CACNA2D3: variants seen among roughly 807,000 people sequenced by gnomAD.
CACNA2D3 encodes the protein calcium voltage-gated channel auxiliary subunit alpha2delta 3.
CACNA2D3 carries 60 observed loss-of-function variants against 160.6 expected under a neutral mutation model. That is an observed-to-expected ratio of 0.37 (90% CI 0.30 to 0.46). The LOEUF is 0.46. Ranked by LOEUF, CACNA2D3 falls within the 20% of genes least tolerant of loss-of-function variation. The pLI, the probability that CACNA2D3 is intolerant of heterozygous loss-of-function variation, is 1.00. For missense variants in CACNA2D3, 1,205 were observed against 1,365.0 expected (o/e 0.88, Z 1.85); for synonymous variants, 558 against 492.9 (o/e 1.13, Z -1.75).
intron 35 of CACNA2D3, among the ~76,000 whole-genome samples, chr3:55,038,009 T>C (rs543115149): frequency 5.3e-4 from 80 of 152,302 alleles, no homozygotes; most frequent in South Asian, 3.9e-3. Context: ...TCCTGAGAAG[T>C]CACTGTATTT....
At chr3:54,803,858 C>T (rs1575484103) in intron 13 of CACNA2D3, among the ~76,000 whole-genome samples, 2 of 152,238 alleles carry the variant, frequency 1.3e-5, no homozygotes, top group Middle Eastern at 3.4e-3. Flanking sequence ...GCGGATCTCT[C>T]GGCAGAAACT....
At position 54,976,023 on chromosome 3, in the gene CACNA2D3, G is replaced by C. The variant is rs188583060; in HGVS notation, c.2556+6179G>C. 2.6e-5 allele frequency among the ~76,000 whole-genome samples: 4 copies of C among 151,400 alleles called. No individual in the cohort carries two copies. The East Asian group carries it at 7.8e-4, about 29-fold the overall frequency. On this transcript the variant is annotated intron_variant, in intron 29 of 37. Transcript: ENST00000474759. The stretch of plus-strand genomic sequence containing the variant: ...ACAAGATCTGTCTTAGGTATCCATA[G>C]AGATTAGATATAAATATAGGTATAG...
intron 31 of CACNA2D3, 104 bp downstream of exon 31, chr3:54,987,857 G>A: frequency 1.4e-6 from 1 of 717,940 alleles, no homozygotes; most frequent in Non-Finnish European, 2.2e-6. Flanking sequence ...CCTGTGGCTG[G>A]TTTTTACTTG....
intron 13 of CACNA2D3, among the ~76,000 whole-genome samples, chr3:54,803,626 ACT>A (rs1311435955): frequency 6.6e-6 from 1 of 152,232 alleles, no homozygotes; most frequent in Non-Finnish European, 1.5e-5. Flanking sequence ...GTTGGAAAAC[ACT>A]CTGCAGGATA....
chr3:54,558,700 C>T (rs1702277957), intron 5 of CACNA2D3, among the ~76,000 whole-genome samples: 1 of 152,132 alleles, frequency 6.6e-6, no homozygotes. Flanking sequence ...TTAATTCACT[C>T]AGGATAATGG....
chr3:54,811,660 G>A (rs1213759423), intron 13 of CACNA2D3, among the ~76,000 whole-genome samples: 2 of 151,812 alleles, frequency 1.3e-5, no homozygotes, highest in East Asian at 3.9e-4. Flanking sequence ...ACCATGCCCA[G>A]CTAATTTTTT....
chr3:54,519,374 C>T (rs1410097416), intron 5 of CACNA2D3, among the ~76,000 whole-genome samples: 2 of 152,322 alleles, frequency 1.3e-5, no homozygotes, highest in Non-Finnish European at 1.5e-5. Context: ...CTGGGGGACG[C>T]TCTGATCCCA....
At chr3:54,538,392 C>T (rs1192129415) in intron 5 of CACNA2D3, among the ~76,000 whole-genome samples, 1 of 152,150 alleles carries the variant, frequency 6.6e-6, no homozygotes, top group South Asian at 2.1e-4. Flanking sequence ...CTCTTTCCTC[C>T]CCCTCCTCCA....
At chr3:54,403,999 G>T (rs1699525332) in intron 4 of CACNA2D3, among the ~76,000 whole-genome samples, 1 of 152,096 alleles carries the variant, frequency 6.6e-6, no homozygotes, top group Non-Finnish European at 1.5e-5. Context: ...GTAATTAAAA[G>T]CCTCCTAAAA....
intron 27 of CACNA2D3, among the ~76,000 whole-genome samples, chr3:54,958,441 G>A (rs557162079): frequency 2.2e-4 from 33 of 152,252 alleles, no homozygotes; most frequent in African/African-American, 7.0e-4. Flanking sequence ...ATTCCCTACA[G>A]CAGTAAGGGA....
At chr3:54,426,362 A>G (rs1285527718) in intron 4 of CACNA2D3, among the ~76,000 whole-genome samples, 1 of 152,184 alleles carries the variant, frequency 6.6e-6, no homozygotes, top group Non-Finnish European at 1.5e-5. Flanking sequence ...TATAAACTGC[A>G]CTTTAGAGAT....
At chr3:54,285,424 C>T (rs1575368336) in intron 2 of CACNA2D3, among the ~76,000 whole-genome samples, 1 of 152,312 alleles carries the variant, frequency 6.6e-6, no homozygotes, top group East Asian at 1.9e-4. Context: ...GTAAACAAAA[C>T]AGCCGGGAAG....
intron 27 of CACNA2D3, among the ~76,000 whole-genome samples, chr3:54,948,714 T>G (rs1158108056): frequency 1.3e-5 from 2 of 152,204 alleles, no homozygotes; most frequent in African/African-American, 4.8e-5. Context: ...CATGCTGTTG[T>G]CAGCTATTGT....
intron 35 of CACNA2D3, among the ~76,000 whole-genome samples, chr3:55,061,796 G>A (rs946412943): frequency 2.6e-5 from 4 of 152,200 alleles, no homozygotes; most frequent in Non-Finnish European, 5.9e-5. Context: ...TTCTCCAGGG[G>A]AAGGAATTGT....
chr3:54,554,868 C>CTTTTT (rs1248489904), intron 5 of CACNA2D3, among the ~76,000 whole-genome samples: 6 of 88,186 alleles, frequency 6.8e-5, no homozygotes, highest in African/African-American at 3.0e-4. Flanking sequence ...CTCTCTCACT[C>CTTTTT]TCTTTTTTTT....
chr3:54,880,455 A>G (rs1041039395), intron 20 of CACNA2D3, among the ~76,000 whole-genome samples: 13 of 152,222 alleles, frequency 8.5e-5, no homozygotes, highest in Non-Finnish European at 1.5e-4. Flanking sequence ...GGCTGAATGC[A>G]GGACAAGGGT....
chr3:54,531,959 T>C (rs563868247), intron 5 of CACNA2D3, among the ~76,000 whole-genome samples: 3 of 152,350 alleles, frequency 2.0e-5, no homozygotes, highest in African/African-American at 7.2e-5. Context: ...CACCCTTGGC[T>C]TGGCAGCCGG....
chr3:54,731,228 C>T (rs781189764), intron 11 of CACNA2D3, among the ~76,000 whole-genome samples: 19 of 152,160 alleles, frequency 1.2e-4, no homozygotes, highest in Non-Finnish European at 2.2e-4. Context: ...CACATTTCCT[C>T]TAAGTAATTA....
At chr3:54,641,514 C>T (rs1264951295) in intron 10 of CACNA2D3, among the ~76,000 whole-genome samples, 2 of 152,168 alleles carry the variant, frequency 1.3e-5, no homozygotes, top group Non-Finnish European at 1.5e-5. Flanking sequence ...TTAGTTGAAT[C>T]TCTCCTGGAT....
Sources: gnomAD v4.1 joint callset for allele counts (sites outside exome capture counted in the v4.1 genomes callset) on GRCh38, gnomAD v4.1.1 for gene constraint, MANE v1.5 for transcripts, NCBI Gene and HGNC (gene_info 2026-07-23, HGNC 2026-07-21) for gene names.